EHD2: variants seen among roughly 807,000 people sequenced by gnomAD.
The protein encoded by EHD2 is EH domain containing 2.
In EHD2, 27 loss-of-function variants were observed where a neutral mutation model predicts 41.0. The observed-to-expected ratio is 0.66, with a 90% CI of 0.49 to 0.91. EHD2 has a LOEUF of 0.91. Among genes scored for constraint, EHD2 ranks in the 40% least tolerant of loss-of-function variants. The probability of loss-of-function intolerance (pLI) is 0.00; values close to 1 mark genes in which losing one functional copy is unlikely to be tolerated. For synonymous variants in EHD2, 342 were observed against 341.0 expected (o/e 1.00, Z -0.03); for missense variants, 673 against 773.9 (o/e 0.87, Z 1.55).
At chr19:47,734,115 C>T (rs1029372133) in intron 4 of EHD2, among the ~76,000 whole-genome samples, 1 of 152,142 alleles carries the variant, frequency 6.6e-6, no homozygotes, top group Admixed American at 6.6e-5. Flanking sequence ...GGGTGTCTCC[C>T]CAGGCAAGAG....
rs1234048091 is a variant in EHD2, at chr19:47,742,704, TG to T, written c.*1273del. 6.5e-6 allele frequency: 1 copy of T among 152,934 alleles called. No individual in the cohort carries two copies. The highest frequency in any genetic ancestry group is 1.5e-5 in the Non-Finnish European group (1 of 68,332). 9.5% of individuals were successfully genotyped at this position (152,934 alleles called of 1,614,324 possible). A position where few individuals can be genotyped will look rare whatever the true frequency, so the allele number is the denominator to read the frequency against. On this transcript the variant is annotated 3_prime_UTR_variant, in exon 6 of 6. Coordinates refer to ENST00000263277, the MANE Select transcript of EHD2 (RefSeq NM_014601.4). ...TGTCTGTGGCTGGAACTGCCCAGCC[TG>T]CTCCTGGCCCCCTGGAAGCCTCCCC...
rs890362788 is a variant in EHD2 at position 47,730,996 on chromosome 19, AAG to A, written c.915+4775_915+4776del. Among the ~76,000 whole-genome samples the A allele has an allele frequency of 2.0e-4, 30 of 151,922 alleles. No homozygotes were observed. In the East Asian group the frequency reaches 4.7e-3, roughly 24 times the overall value. On this transcript the variant is annotated intron_variant, in intron 4 of 5. Transcript: ENST00000263277. ...TTATGAAGAAAAATGAAGCGGAGGAAAGAGGGGCTGGCGAGGGACTATTTTAG... is the reference window on the plus strand; with the variant it reads ...TTATGAAGAAAAATGAAGCGGAGGAAAGGGGCTGGCGAGGGACTATTTTAG...
rs376157488 is a variant in EHD2, at chr19:47,719,147, G to C, written c.502+541G>C. 6.6e-6 allele frequency among the ~76,000 whole-genome samples: 1 copy of C among 152,138 alleles called. No individual in the cohort carries two copies. Among genetic ancestry groups the C allele is most frequent in the African/African-American group, 2.4e-5 (1 of 41,430 alleles). On this transcript the variant is annotated intron_variant, in intron 3 of 5. Coordinates refer to ENST00000263277, the MANE Select transcript of EHD2 (RefSeq NM_014601.4). This position sits in a 1 kb window ranked among gnomAD's most constrained non-coding sequence, Gnocchi z 4.1. ...GTGTGGGTGACCACGTGGTGGGAGCGGGCAGGAGCCGCACGTCTGGGCAGG... is the reference window on the plus strand; with the variant it reads ...GTGTGGGTGACCACGTGGTGGGAGCCGGCAGGAGCCGCACGTCTGGGCAGG...
At chr19:47,735,651 C>T (rs1966913900) in intron 4 of EHD2, among the ~76,000 whole-genome samples, 3 of 151,846 alleles carry the variant, frequency 2.0e-5, no homozygotes, top group Admixed American at 2.0e-4. Flanking sequence ...GCCTGTAATC[C>T]CAGCACTTTG....
rs1966981625 is a variant in EHD2, at chr19:47,741,021, G to A, written c.1221G>A (p.Val407=). The stretch of plus-strand genomic sequence containing the variant: ...AGGAGGAGCTGGAGAGCACCGAGGT[G>A]GGCGTGCAGGGGGGCGCTTTTGAGG... ...LRQEELESTE[V]GVQGGAFEGT... Residue 407 remains valine (V), a synonymous_variant, in exon 6 of 6, where the codon GTG becomes GTA. Coordinates refer to ENST00000263277, the MANE Select transcript of EHD2 (RefSeq NM_014601.4). This position sits in a 1 kb window ranked among gnomAD's most constrained non-coding sequence, Gnocchi z 4.5. 6 of 1,609,970 alleles carry A rather than the reference G, an allele frequency of 3.7e-6. No individual in the cohort carries two copies. Among genetic ancestry groups the A allele is most frequent in the South Asian group, 2.2e-5 (2 of 91,072 alleles).
In EHD2 at chr19:47,716,770, C is replaced by T. The variant is rs1442062259; in HGVS notation, c.158C>T (p.Ala53Val). 5 of 1,612,818 alleles carry T rather than the reference C, an allele frequency of 3.1e-6. No individual in the cohort carries two copies. The highest frequency in any genetic ancestry group is 1.7e-5 in the Admixed American group (1 of 59,944). The change falls in exon 2 of 6, where the codon GCA becomes GTA. Residue 53 changes from alanine to valine, a missense_variant. Ala to Val is a moderately conservative substitution (Grantham distance 64). Transcript: ENST00000263277. ...GAFHSPALED[A>V]DFDGKPMVLV... ...TTCCACTCGCCGGCCCTGGAGGACG[C>T]AGACTTCGACGGCAAGCCCATGGTG...
rs1966996392 is a variant in EHD2 at position 47,742,044 on chromosome 19, C to T, written c.*612C>T. ...TGGGGGGCTCAGAGGGGAGACACAC[C>T]TACTGCTTCCTCAGATGGGCCCCTC... On this transcript the variant is annotated 3_prime_UTR_variant, in exon 6 of 6. Coordinates refer to ENST00000263277, the MANE Select transcript of EHD2 (RefSeq NM_014601.4). 1 of 424,052 alleles carries T rather than the reference C, an allele frequency of 2.4e-6. No individual in the cohort carries two copies. 26.3% of individuals were successfully genotyped at this position (424,052 alleles called of 1,614,324 possible).
intron 4 of EHD2, among the ~76,000 whole-genome samples, chr19:47,735,675 G>C (rs1966914110): frequency 6.6e-6 from 1 of 152,060 alleles, no homozygotes; most frequent in Non-Finnish European, 1.5e-5. Flanking sequence ...GGCCACGGCG[G>C]GTGGATCACC....
At position 47,742,078 on chromosome 19, in the gene EHD2, C is replaced by A; in HGVS notation, c.*646C>A. 1 of 370,198 alleles carries A rather than the reference C, an allele frequency of 2.7e-6. No homozygotes were observed. Among genetic ancestry groups the A allele is most frequent in the Non-Finnish European group, 5.3e-6 (1 of 189,088 alleles). 22.9% of individuals were successfully genotyped at this position (370,198 alleles called of 1,614,324 possible). The stretch of plus-strand genomic sequence containing the variant: ...CCTCAGATGGGCCCCTCCGCAGCCC[C>A]TTCCCTTGCTCGGGGAAAGCCCCCA... On this transcript the variant is annotated 3_prime_UTR_variant, in exon 6 of 6. Transcript: ENST00000263277.
At chr19:47,726,489 CCTT>C (rs201374010) in intron 4 of EHD2, among the ~76,000 whole-genome samples, 1 of 150,056 alleles carries the variant, frequency 6.7e-6, no homozygotes, top group East Asian at 2.1e-4. Flanking sequence ...TCCTCCTCCT[CCTT>C]CTCTTCTTCT....
intron 2 of EHD2, among the ~76,000 whole-genome samples, chr19:47,717,766 G>A (rs1396239492): frequency 6.6e-6 from 1 of 151,376 alleles, no homozygotes; most frequent in Admixed American, 6.6e-5. Flanking sequence ...AAATTAGCTG[G>A]GTGTGGTGGT....
chr19:47,721,163 G>A (rs1486874056), intron 3 of EHD2, among the ~76,000 whole-genome samples: 1 of 42,922 alleles, frequency 2.3e-5, no homozygotes, highest in South Asian at 4.3e-4. Flanking sequence ...GTGCTACTGG[G>A]GGTGTGTGTG....
chr19:47,726,417 G>T, intron 4 of EHD2, 193 bp downstream of exon 4: 1 of 539,264 alleles, frequency 1.9e-6, no homozygotes, highest in Non-Finnish European at 2.9e-6. Flanking sequence ...TTGGATTTCT[G>T]TGTCAACTCC....
At chr19:47,714,896 G>A (rs558357371) in intron 1 of EHD2, among the ~76,000 whole-genome samples, 117 of 152,014 alleles carry the variant, frequency 7.7e-4, no homozygotes, top group African/African-American at 2.8e-3. Context: ...AAATTAACTG[G>A]GTGTGGTGGT....
chr19:47,714,487 G>A (rs775784862), intron 1 of EHD2, among the ~76,000 whole-genome samples: 1 of 152,120 alleles, frequency 6.6e-6, no homozygotes, highest in Non-Finnish European at 1.5e-5. Context: ...ATGAAAGAGG[G>A]GACATCACTA....
At chr19:47,713,755 G>A (rs887205289) in intron 1 of EHD2, among the ~76,000 whole-genome samples, 2 of 144,396 alleles carry the variant, frequency 1.4e-5, no homozygotes, top group African/African-American at 2.6e-5. Context: ...CCAGTCTTTC[G>A]CAGCCTCTCA....
rs149479756 is a variant in EHD2 at position 47,725,829 on chromosome 19, G to C, written c.520G>C (p.Val174Leu). 1.5e-5 allele frequency: 24 copies of C among 1,591,214 alleles called. No individual in the cohort carries two copies. Among genetic ancestry groups the C allele is most frequent in the East Asian group, 2.3e-5 (1 of 44,406 alleles). ...CACTCCAGGCTACGACTTCCCGGCC[G>C]TGCTGCGCTGGTTCGCGGAGCGCGT... ...RVSRGYDFPA[V>L]LRWFAERVDL... The change falls in exon 4 of 6, where the codon GTG becomes CTG. Residue 174 changes from valine to leucine, a missense_variant. Coordinates refer to ENST00000263277, the MANE Select transcript of EHD2 (RefSeq NM_014601.4).
At chr19:47,729,295 G>A (rs1033491877) in intron 4 of EHD2, among the ~76,000 whole-genome samples, 1 of 152,176 alleles carries the variant, frequency 6.6e-6, no homozygotes, top group Non-Finnish European at 1.5e-5. Context: ...GGCTGAGGAT[G>A]TGGCTGAGAT....
At chr19:47,718,198 G>A (rs779799317) in intron 2 of EHD2, among the ~76,000 whole-genome samples, 3 of 151,358 alleles carry the variant, frequency 2.0e-5, no homozygotes, top group Admixed American at 1.3e-4. Flanking sequence ...ACTTGAACTC[G>A]GGAGGCGGAG....
Sources: gnomAD v4.1 joint callset for allele counts (sites outside exome capture counted in the v4.1 genomes callset) on GRCh38, gnomAD v4.1.1 for gene constraint, Gnocchi (gnomAD v3.1) non-coding constraint, MANE v1.5 for transcripts, NCBI Gene and HGNC (gene_info 2026-07-23, HGNC 2026-07-21) for gene names.